CECR2: variants seen among roughly 807,000 people sequenced by gnomAD.
CECR2 encodes the protein chromatin remodeling regulator CECR2.
A neutral mutation model predicts 154.5 loss-of-function variants in CECR2; 30 were observed. The observed-to-expected ratio is 0.19, with a 90% confidence interval of 0.15 to 0.26. The LOEUF is 0.26. Ranked by LOEUF, CECR2 falls within the 10% of genes least tolerant of loss-of-function variation. The probability of loss-of-function intolerance (pLI) is 1.00; values close to 1 mark genes in which losing one functional copy is unlikely to be tolerated. For missense variants in CECR2, 1,743 were observed against 1,829.3 expected (o/e 0.95, Z 0.86); for synonymous variants, 725 against 683.7 (o/e 1.06, Z -0.94).
At chr22:17,493,636 A>G (rs1374063216) in intron 2 of CECR2, among the ~76,000 whole-genome samples, 1 of 152,210 alleles carries the variant, frequency 6.6e-6, no homozygotes, top group East Asian at 1.9e-4. Flanking sequence ...GCCTTAAGAA[A>G]GCTTTTAGCA....
At chr22:17,503,245 TAC>T in intron 6 of CECR2, 114 bp downstream of exon 6, 1 of 894,938 alleles carries the variant, frequency 1.1e-6, no homozygotes, top group African/African-American at 1.7e-5. Context: ...AATAGCCTTT[TAC>T]CTACCCCCTG....
intron 1 of CECR2, among the ~76,000 whole-genome samples, chr22:17,376,747 T>G (rs2063123669): frequency 6.6e-6 from 1 of 151,864 alleles, no homozygotes; most frequent in African/African-American, 2.4e-5. Context: ...CAGGTGATTC[T>G]CCTGCCTCAG....
At chr22:17,524,322 C>G (rs375892327) in intron 9 of CECR2, 51 bp downstream of exon 9, 1 of 1,590,504 alleles carries the variant, frequency 6.3e-7, no homozygotes, top group Non-Finnish European at 8.5e-7. Context: ...GTCGACCAGC[C>G]GTCCTGTAGC....
At chr22:17,545,145 C>T (rs906617279) in intron 16 of CECR2, among the ~76,000 whole-genome samples, 3 of 151,480 alleles carry the variant, frequency 2.0e-5, no homozygotes, top group South Asian at 2.1e-4. Flanking sequence ...GAGGCTGACG[C>T]GGGTGGATCA....
intron 2 of CECR2, among the ~76,000 whole-genome samples, chr22:17,481,467 G>A (rs1156820372): frequency 6.6e-6 from 1 of 152,080 alleles, no homozygotes; most frequent in Admixed American, 6.6e-5. Flanking sequence ...ATGAGTGAGA[G>A]TAATCATCAT....
chr22:17,372,053 G>C (rs1202993138), intron 1 of CECR2, among the ~76,000 whole-genome samples: 1 of 152,170 alleles, frequency 6.6e-6, no homozygotes, highest in Non-Finnish European at 1.5e-5. Flanking sequence ...TGATATGACT[G>C]TCCTCTCTTT....
At chr22:17,512,435 G>C (rs1386863562) in intron 8 of CECR2, among the ~76,000 whole-genome samples, 1 of 152,050 alleles carries the variant, frequency 6.6e-6, no homozygotes, top group Non-Finnish European at 1.5e-5. Context: ...AGCACAGGTA[G>C]CTCATGCCTG....
intron 1 of CECR2, among the ~76,000 whole-genome samples, chr22:17,435,682 CT>C (rs1384348209): frequency 1.5e-5 from 1 of 68,056 alleles, no homozygotes; most frequent in Admixed American, 1.7e-4. Flanking sequence ...TCTTTTAATT[CT>C]TAAAAAAAAA....
intron 9 of CECR2, among the ~76,000 whole-genome samples, chr22:17,526,503 A>G (rs1314541278): frequency 6.6e-6 from 1 of 152,188 alleles, no homozygotes; most frequent in Non-Finnish European, 1.5e-5. Flanking sequence ...AAATAAAATC[A>G]AAGTGGATTA....
At chr22:17,439,551 T>C (rs1047615441) in intron 1 of CECR2, among the ~76,000 whole-genome samples, 1 of 146,502 alleles carries the variant, frequency 6.8e-6, no homozygotes, top group Non-Finnish European at 1.5e-5. Context: ...CAAAAAAAAA[T>C]ATCTGAAAAG....
rs1569089497 is a variant in CECR2, at chr22:17,449,208, T to C, written c.127-28380T>C. Reference sequence around the variant, plus strand: ...TTATCCCCCATTTAAATGATAATGTTCTTTTTTCGGCCCAGAGTGGTAAAA... The same window carrying C: ...TTATCCCCCATTTAAATGATAATGTCCTTTTTTCGGCCCAGAGTGGTAAAA... On this transcript the variant is annotated intron_variant, in intron 1 of 18. Coordinates refer to ENST00000262608, the MANE Select transcript of CECR2 (RefSeq NM_001290047.2). 4.0e-5 allele frequency among the ~76,000 whole-genome samples: 6 copies of C among 151,684 alleles called. 1 individual carries two copies. The South Asian group carries it at 1.1e-3, about 27-fold the overall frequency.
rs1299447897 is a variant in CECR2 at position 17,556,656 on chromosome 22, C to CAAGGTAAGGACAGTT, written c.*3817_*3831dup. ...ACAGGAAGGCCTAATCCTATAGTCA[C>CAAGGTAAGGACAGTT]AAGGTAAGGACAGTTGAGTAGTGTA... is the stretch of plus-strand genomic sequence containing the variant. On this transcript the variant is annotated 3_prime_UTR_variant, in exon 19 of 19. Coordinates refer to ENST00000262608, the MANE Select transcript of CECR2 (RefSeq NM_001290047.2). 2 of 152,164 alleles carry CAAGGTAAGGACAGTT rather than the reference C, an allele frequency of 1.3e-5. No individual in the cohort carries two copies. Among genetic ancestry groups the CAAGGTAAGGACAGTT allele is most frequent in the African/African-American group, 4.8e-5 (2 of 41,438 alleles). The allele number at this position is 152,164 out of a possible 1,614,324, so 9.4% of individuals were successfully genotyped here.
At chr22:17,479,769 T>C (rs1008360433) in intron 2 of CECR2, among the ~76,000 whole-genome samples, 119 of 149,254 alleles carry the variant, frequency 8.0e-4, no homozygotes, top group African/African-American at 2.7e-3. Flanking sequence ...GTCTTTCTTT[T>C]TTTTTTTTTT....
chr22:17,419,098 C>G (rs1437555342), intron 1 of CECR2: 1 of 154,722 alleles, frequency 6.5e-6, no homozygotes, highest in South Asian at 2.0e-4. Flanking sequence ...AATGGCTGCT[C>G]GCCCAGCTCC....
intron 2 of CECR2, among the ~76,000 whole-genome samples, chr22:17,478,362 T>A (rs2055245528): frequency 6.7e-6 from 1 of 149,156 alleles, no homozygotes; most frequent in Admixed American, 6.7e-5. Flanking sequence ...ATTTTTTTTT[T>A]TTTTTTTTTT....
intron 1 of CECR2, among the ~76,000 whole-genome samples, chr22:17,380,394 C>A (rs1293871940): frequency 1.3e-5 from 2 of 152,178 alleles, no homozygotes; most frequent in Admixed American, 1.3e-4. Flanking sequence ...CCTCATGTGG[C>A]CTTTACAAAA....
At chr22:17,532,473 C>T (rs943812296) in intron 9 of CECR2, among the ~76,000 whole-genome samples, 42 of 152,108 alleles carry the variant, frequency 2.8e-4, no homozygotes, top group African/African-American at 8.9e-4. Flanking sequence ...AGACCTTCTA[C>T]TTGATGGGGA....
chr22:17,482,609 C>G (rs937261648), intron 2 of CECR2, among the ~76,000 whole-genome samples: 1 of 151,970 alleles, frequency 6.6e-6, no homozygotes, highest in Non-Finnish European at 1.5e-5. Context: ...TCTTGGCTCC[C>G]TGCAATCTCC....
chr22:17,414,214 C>T (rs748127711), intron 1 of CECR2, among the ~76,000 whole-genome samples: 25 of 152,192 alleles, frequency 1.6e-4, no homozygotes, highest in South Asian at 4.1e-4. Flanking sequence ...CCTCGTGATC[C>T]GCCCGCCTTG....
Sources: allele counts gnomAD v4.1 joint callset (sites outside exome capture counted in the v4.1 genomes callset), GRCh38; gene constraint gnomAD v4.1.1; transcripts MANE v1.5; gene names NCBI Gene and HGNC (gene_info 2026-07-23, HGNC 2026-07-21).